The following LRBA variants were observed in gnomAD, a reference collection of about 807,000 sequenced individuals.
LRBA encodes the protein LPS responsive beige-like anchor protein.
A neutral mutation model predicts 330.0 loss-of-function variants in LRBA; 176 were observed. The observed-to-expected ratio is 0.53, with a 90% CI of 0.47 to 0.60. The LOEUF (loss-of-function observed/expected upper bound fraction) is 0.60, where lower values mean the gene tolerates loss of function less well. LRBA is among the 20% of genes least tolerant of loss of function. The pLI is 0.00. For synonymous variants in LRBA, 1,230 were observed against 1,193.0 expected, an observed-to-expected ratio of 1.03 and a Z score of -0.64; for missense variants, 3,259 against 3,444.8, an observed-to-expected ratio of 0.95 and a Z score of 1.35.
At chr4:150,432,071 C>A (rs1022107883) in intron 46 of LRBA, among the ~76,000 whole-genome samples, 1 of 151,936 alleles carries the variant, frequency 6.6e-6, no homozygotes, top group Non-Finnish European at 1.5e-5. Flanking sequence ...GTAACAGCTC[C>A]CCCTCAGCAA....
chr4:150,940,358 T>C (rs1341058059), intron 2 of LRBA, among the ~76,000 whole-genome samples: 1 of 152,164 alleles, frequency 6.6e-6, no homozygotes, highest in Non-Finnish European at 1.5e-5. Flanking sequence ...GCTATGATCA[T>C]GCCACAGCAC....
Position 150,282,590 on chromosome 4 carries a change from G to A in LRBA, c.8176C>T (p.Pro2726Ser). The A allele has an allele frequency of 1.2e-6, 2 of 1,614,098 alleles. No homozygotes were observed. The highest frequency in any genetic ancestry group is 1.1e-5 in the South Asian group (1 of 91,080). ...NGDLLRTLEGPENCLKPKLIQ... is the reference protein window; with the variant it reads ...NGDLLRTLEGSENCLKPKLIQ... ...AGTTTTGGTTTCAGGCAGTTTTCAG[G>A]ACCCTCCAAGGTCCTCAACAAGTCT... The change falls in exon 55 of 57, where the codon CCT (proline) becomes TCT (serine). Residue 2726 changes from proline to serine, a missense_variant. By Grantham distance (74) the Pro-to-Ser change is moderately conservative. Transcript: ENST00000651943.
intron 47 of LRBA, among the ~76,000 whole-genome samples, chr4:150,389,462 A>G (rs1407356984): frequency 2.0e-5 from 3 of 151,752 alleles, no homozygotes; most frequent in African/African-American, 7.3e-5. Flanking sequence ...CAAGAGAGGA[A>G]TCAGGAGGCT....
At chr4:150,371,338 G>A (rs921245328) in intron 47 of LRBA, among the ~76,000 whole-genome samples, 2 of 151,308 alleles carry the variant, frequency 1.3e-5, no homozygotes, top group South Asian at 2.1e-4. Context: ...GATTACAGTC[G>A]CCCGCCACCA....
chr4:150,861,685 AC>A (rs869276811), intron 22 of LRBA, among the ~76,000 whole-genome samples: 1 of 152,328 alleles, frequency 6.6e-6, no homozygotes, highest in Non-Finnish European at 1.5e-5. Context: ...TTTAAAAACT[AC>A]TTTTCTTTGT....
At chr4:150,807,587 T>C (rs7682370) in intron 32 of LRBA, among the ~76,000 whole-genome samples, 128,018 of 152,050 alleles carry the variant, frequency 0.84, 54,879 homozygotes, top group Non-Finnish European at 0.94. Flanking sequence ...AATTCAGTAT[T>C]ATTGTGGCTT....
Position 150,599,111 on chromosome 4 carries a change from C to T in LRBA, c.5942G>A (p.Arg1981His), listed in dbSNP as rs780262611. Residue 1981 changes from arginine (R) to histidine (H), a missense_variant, in exon 38 of 57, where the codon CGC (arginine) becomes CAC (histidine). Transcript: ENST00000651943. ...SAVSRPLEFW[R>H]LDYWEDDLRR... is the part of the protein sequence containing the mutation. Reference sequence around the variant, plus strand: ...CAAGTCATCTTCCCAGTAGTCAAGGCGCCAGAACTCAAGAGGACGACTACA... The same window carrying T: ...CAAGTCATCTTCCCAGTAGTCAAGGTGCCAGAACTCAAGAGGACGACTACA... The T allele has an allele frequency of 1.2e-5, 20 of 1,613,880 alleles. No individual in the cohort carries two copies. The East Asian group carries it at 1.3e-4, about 11-fold the overall frequency.
rs571227909 is a variant in LRBA, at chr4:150,372,574, A to G, written c.7195-22415T>C. Among the ~76,000 whole-genome samples the G allele has an allele frequency of 6.0e-3, 898 of 149,776 alleles. 3 individuals are homozygous for G. Among genetic ancestry groups the G allele is most frequent in the African/African-American group, 0.021 (871 of 41,044 alleles). ...GATCCCATCTCCAAAAAAAAAAAAA[A>G]AAAGGAAAGGAAAAGAAAAAAAATC... On this transcript the variant is annotated intron_variant, in intron 47 of 56. Transcript: ENST00000651943.
chr4:150,281,037 T>C (rs1747438658), intron 55 of LRBA, among the ~76,000 whole-genome samples: 1 of 152,152 alleles, frequency 6.6e-6, no homozygotes. Context: ...GTATGAATGG[T>C]CTGCAGAAAG....
chr4:150,755,790 T>A (rs1734207291), intron 35 of LRBA, among the ~76,000 whole-genome samples: 1 of 151,888 alleles, frequency 6.6e-6, no homozygotes, highest in Admixed American at 6.6e-5. Context: ...CTCATGCCTG[T>A]AATCCCAGCA....
intron 22 of LRBA, among the ~76,000 whole-genome samples, chr4:150,856,861 A>G (rs1751283753): frequency 6.6e-6 from 1 of 152,180 alleles, no homozygotes; most frequent in Non-Finnish European, 1.5e-5. Context: ...ATAAACTACT[A>G]GTTAAAGATA....
rs184762833 is a variant in LRBA at position 150,864,187 on chromosome 4, C to A, written c.2766+3484G>T. Among the ~76,000 whole-genome samples, 1,505 of 152,262 alleles carry A rather than the reference C, an allele frequency of 9.9e-3. 24 individuals carry two copies. The highest frequency in any genetic ancestry group is 0.035 in the African/African-American group (1,440 of 41,556). On this transcript the variant is annotated intron_variant, in intron 22 of 56. Transcript: ENST00000651943. ...TCTTGGCCTCATGATCCACCCACCT[C>A]AACCTCCCAAAGTGCTGGGATTACA...
intron 34 of LRBA, among the ~76,000 whole-genome samples, chr4:150,782,794 AAGAAACCAAATG>A (rs1738459939): frequency 6.6e-6 from 1 of 152,220 alleles, no homozygotes; most frequent in South Asian, 2.1e-4. Flanking sequence ...AATCACGCTG[AAGAAACCAAATG>A]AGAACAGAAA....
intron 30 of LRBA, among the ~76,000 whole-genome samples, chr4:150,821,614 T>G (rs1745451887): frequency 6.6e-6 from 1 of 152,130 alleles, no homozygotes; most frequent in African/African-American, 2.4e-5. Flanking sequence ...TTATATCAGT[T>G]TCAAATATCA....
intron 48 of LRBA, among the ~76,000 whole-genome samples, chr4:150,335,031 T>C (rs1734478169): frequency 6.6e-6 from 1 of 151,964 alleles, no homozygotes; most frequent in African/African-American, 2.4e-5. Context: ...GGTTTCGCCA[T>C]GTTGTCCAGG....
At chr4:150,650,388 T>C (rs937439926) in intron 37 of LRBA, among the ~76,000 whole-genome samples, 1 of 152,356 alleles carries the variant, frequency 6.6e-6, no homozygotes, top group East Asian at 1.9e-4. Context: ...GAAAACATTC[T>C]ATTTTTTCCT....
chr4:150,548,633 T>TA (rs964037088), intron 40 of LRBA, among the ~76,000 whole-genome samples: 12 of 151,934 alleles, frequency 7.9e-5, no homozygotes, highest in Admixed American at 2.6e-4. Flanking sequence ...AAAACAGATT[T>TA]AAAAAAAAAT....
rs565282057 is a variant in LRBA at position 150,995,669 on chromosome 4, T to C, written c.216+18758A>G. Among the ~76,000 whole-genome samples, 5 of 152,194 alleles carry C rather than the reference T, an allele frequency of 3.3e-5. No homozygotes were observed. The South Asian group carries it at 1.0e-3, about 32-fold the overall frequency. On this transcript the variant is annotated intron_variant, in intron 2 of 56. Coordinates refer to ENST00000651943, the MANE Select transcript of LRBA (RefSeq NM_001364905.1). Reference sequence around the variant, plus strand: ...GCCCTAAGGTAAGACTGTGCTTGGCTTGCTTTAGGAAGTACAAAAGGGCCA... The same window carrying C: ...GCCCTAAGGTAAGACTGTGCTTGGCCTGCTTTAGGAAGTACAAAAGGGCCA...
chr4:150,639,977 C>A (rs893926298), intron 37 of LRBA, among the ~76,000 whole-genome samples: 4 of 148,686 alleles, frequency 2.7e-5, no homozygotes, highest in Admixed American at 2.7e-4. Flanking sequence ...TTGCCTCAGC[C>A]TCCCAAGTAG....
Sources: allele counts gnomAD v4.1 joint callset (sites outside exome capture counted in the v4.1 genomes callset), GRCh38; gene constraint gnomAD v4.1.1; transcripts MANE v1.5; gene names NCBI Gene and HGNC (gene_info 2026-07-23, HGNC 2026-07-21).